The following PCSK5 variants were observed in gnomAD, a reference collection of about 807,000 sequenced individuals.
PCSK5 encodes prohormone convertase 5.
A neutral mutation model predicts 233.2 loss-of-function variants in PCSK5; 129 were observed. The ratio of observed to expected loss-of-function variants is 0.55; its 90% CI spans 0.48 to 0.64. The LOEUF is 0.64. Among genes scored for constraint, PCSK5 ranks in the 30% least tolerant of loss-of-function variants. The pLI, the probability that PCSK5 is intolerant of heterozygous loss-of-function variation, is 0.00. For missense variants in PCSK5, 2,076 were observed against 2,430.1 expected (o/e 0.85, Z 3.06); for synonymous variants, 825 against 879.2 (o/e 0.94, Z 1.09).
At chr9:75,992,900 C>T (rs193093090) in intron 3 of PCSK5, among the ~76,000 whole-genome samples, 2 of 152,004 alleles carry the variant, frequency 1.3e-5, no homozygotes, top group African/African-American at 2.4e-5. Flanking sequence ...TAGCTGAGTT[C>T]GGTTATGCGT....
chr9:76,178,235 A>G (rs528831474), intron 14 of PCSK5, among the ~76,000 whole-genome samples: 22 of 152,276 alleles, frequency 1.4e-4, no homozygotes, highest in Admixed American at 1.4e-3. Context: ...GAATTTGGAG[A>G]TCGATTTGAA....
At chr9:76,169,018 T>G (rs556260253) in intron 12 of PCSK5, among the ~76,000 whole-genome samples, 1 of 152,348 alleles carries the variant, frequency 6.6e-6, no homozygotes, top group South Asian at 2.1e-4. Flanking sequence ...AATTCATTTA[T>G]ATCATGGTAT....
chr9:76,009,014 A>T (rs965420769), intron 3 of PCSK5, among the ~76,000 whole-genome samples: 2 of 152,178 alleles, frequency 1.3e-5, no homozygotes, highest in African/African-American at 4.8e-5. Context: ...GTTTATCTGA[A>T]ATTCAAATTT....
intron 3 of PCSK5, among the ~76,000 whole-genome samples, chr9:76,005,369 T>C (rs1827433236): frequency 6.6e-6 from 1 of 152,154 alleles, no homozygotes. Flanking sequence ...CTTTATATAT[T>C]TAATTGTATT....
rs76291261 is a variant in PCSK5, at chr9:76,227,362, C to T, written c.2627-141C>T. 1,972 of 630,596 alleles carry T rather than the reference C, an allele frequency of 3.1e-3. 29 individuals carry two copies. The African/African-American group carries it at 0.033, about 11-fold the overall frequency. The allele number at this position is 630,596 out of a possible 1,614,324, so 39.1% of individuals were successfully genotyped here. A position where few individuals can be genotyped will look rare whatever the true frequency, so the allele number is the denominator to read the frequency against. On this transcript the variant is annotated intron_variant, in intron 20 of 37. Coordinates refer to ENST00000674117, the MANE Select transcript of PCSK5 (RefSeq NM_001372043.1). ...TAAGGTCAGGATTTGGGACTAGCAGCTGAAGCCATTCAGGGCCTCTCCTCT... is the reference window on the plus strand; with the variant it reads ...TAAGGTCAGGATTTGGGACTAGCAGTTGAAGCCATTCAGGGCCTCTCCTCT...
At chr9:75,966,495 C>T (rs1825593018) in intron 2 of PCSK5, among the ~76,000 whole-genome samples, 1 of 152,172 alleles carries the variant, frequency 6.6e-6, no homozygotes, top group Non-Finnish European at 1.5e-5. Context: ...ACTTGCCATC[C>T]CAATCTCATG....
chr9:76,046,587 G>T (rs1409644441), intron 5 of PCSK5, among the ~76,000 whole-genome samples: 1 of 129,982 alleles, frequency 7.7e-6, no homozygotes, highest in African/African-American at 2.9e-5. Context: ...TTGAGACGGA[G>T]TGTGGCTCTG....
intron 35 of PCSK5, among the ~76,000 whole-genome samples, chr9:76,347,047 T>C (rs1829998763): frequency 6.6e-6 from 1 of 151,522 alleles, no homozygotes; most frequent in Non-Finnish European, 1.5e-5. Flanking sequence ...ACTTTTTACT[T>C]ATCCTCTGCA....
chr9:76,125,441 C>T lies in PCSK5; in HGVS notation c.1209-8668C>T, dbSNP rs1016983229. 2.6e-5 allele frequency among the ~76,000 whole-genome samples: 4 copies of T among 152,176 alleles called. No homozygotes were observed. The East Asian group carries it at 7.7e-4, about 29-fold the overall frequency. On this transcript the variant is annotated intron_variant, in intron 9 of 37. Transcript: ENST00000674117. The stretch of plus-strand genomic sequence containing the variant: ...AGAATCAGGCTGCCTGGGCCATTCT[C>T]AACTGTGGCTAATTGTATGACTTTG...
At chr9:76,187,865 C>A (rs1587734200) in intron 17 of PCSK5, among the ~76,000 whole-genome samples, 1 of 151,706 alleles carries the variant, frequency 6.6e-6, no homozygotes, top group African/African-American at 2.4e-5. Context: ...TAGATAACTC[C>A]CAGAAACACT....
intron 2 of PCSK5, among the ~76,000 whole-genome samples, chr9:75,983,556 T>C (rs1198469485): frequency 6.6e-6 from 1 of 152,186 alleles, no homozygotes; most frequent in Non-Finnish European, 1.5e-5. Flanking sequence ...GTAGCACATG[T>C]ATGTTTAAAT....
At chr9:75,891,538 C>A (rs1000010495) in intron 1 of PCSK5, among the ~76,000 whole-genome samples, 165 bp downstream of exon 1, 1 of 21,488 alleles carries the variant, frequency 4.7e-5, no homozygotes, top group Non-Finnish European at 1.8e-4. Flanking sequence ...TACGCACACA[C>A]ACACACACAC....
chr9:75,897,682 C>T (rs556875384), intron 1 of PCSK5, among the ~76,000 whole-genome samples: 35 of 151,872 alleles, frequency 2.3e-4, no homozygotes, highest in Admixed American at 4.6e-4. Flanking sequence ...TTAGTAGAGA[C>T]GGGGTTTCAC....
rs570918981 is a variant in PCSK5 at position 76,166,383 on chromosome 9, G to A, written c.1620-3321G>A. Among the ~76,000 whole-genome samples, 13 of 147,288 alleles carry A rather than the reference G, an allele frequency of 8.8e-5. No individual in the cohort carries two copies. The East Asian group carries it at 2.7e-3, about 31-fold the overall frequency. ...GATTTGTGGATATTTCTTCTTGGCA[G>A]TCAGTTTATATTTAATTTTTGTGCC... is the stretch of plus-strand genomic sequence containing the variant. On this transcript the variant is annotated intron_variant, in intron 12 of 37. Coordinates refer to ENST00000674117, the MANE Select transcript of PCSK5 (RefSeq NM_001372043.1).
At chr9:76,235,263 C>CCAGT (rs1484781833) in intron 22 of PCSK5, among the ~76,000 whole-genome samples, 9 of 151,868 alleles carry the variant, frequency 5.9e-5, no homozygotes, top group African/African-American at 1.9e-4. Context: ...AGGTACTAAA[C>CCAGT]CAGTCACTTC....
chr9:76,352,175 C>T (rs1044030120), intron 36 of PCSK5, among the ~76,000 whole-genome samples: 1 of 152,178 alleles, frequency 6.6e-6, no homozygotes, highest in Non-Finnish European at 1.5e-5. Context: ...ATACGCTAAA[C>T]AAAGGATGGA....
intron 27 of PCSK5, among the ~76,000 whole-genome samples, chr9:76,300,184 AAATCG>A (rs997869772): frequency 2.6e-5 from 4 of 152,228 alleles, no homozygotes; most frequent in Non-Finnish European, 4.4e-5. Flanking sequence ...GAAAAAAAAT[AAATCG>A]ACTTCAGTAG....
chr9:76,025,132 G>A (rs189339967), intron 4 of PCSK5, among the ~76,000 whole-genome samples: 7 of 152,208 alleles, frequency 4.6e-5, no homozygotes, highest in East Asian at 1.9e-4. Flanking sequence ...TTGATTTCCC[G>A]AAACATTTCA....
At position 75,976,429 on chromosome 9, in the gene PCSK5, T is replaced by C. The variant is rs541428831; in HGVS notation, c.298-9703T>C. ...GGAATAAGGGAGCTATCCTTTTTTTTCCCCAGAGGACAAATTAAACTTGTC... is the reference window on the plus strand; with the variant it reads ...GGAATAAGGGAGCTATCCTTTTTTTCCCCCAGAGGACAAATTAAACTTGTC... On this transcript the variant is annotated intron_variant, in intron 2 of 37. Coordinates refer to ENST00000674117, the MANE Select transcript of PCSK5 (RefSeq NM_001372043.1). Among the ~76,000 whole-genome samples, 23 of 152,160 alleles carry C rather than the reference T, an allele frequency of 1.5e-4. No individual in the cohort carries two copies. In the East Asian group the frequency reaches 3.9e-3, roughly 26 times the overall value.
Sources: gnomAD v4.1 joint callset for allele counts (sites outside exome capture counted in the v4.1 genomes callset) on GRCh38, gnomAD v4.1.1 for gene constraint, MANE v1.5 for transcripts, NCBI Gene and HGNC (gene_info 2026-07-23, HGNC 2026-07-21) for gene names.